The following IMMP2L variants were observed in gnomAD, a reference collection of about 807,000 sequenced individuals.
The protein encoded by IMMP2L is inner mitochondrial membrane peptidase subunit 2.
IMMP2L carries 18 observed loss-of-function variants against 19.3 expected under a neutral mutation model. The ratio of observed to expected loss-of-function variants is 0.93; its 90% CI spans 0.64 to 1.38. IMMP2L has a LOEUF of 1.38. Ranked by LOEUF, IMMP2L falls within the 40% of genes most tolerant of loss-of-function variation. The pLI is 0.00. For synonymous variants in IMMP2L, 76 were observed against 73.0 expected, an observed-to-expected ratio of 1.04 and a Z score of -0.21; for missense variants, 233 against 218.2, an observed-to-expected ratio of 1.07 and a Z score of -0.43.
intron 4 of IMMP2L, chr7:110,962,829 C>T: frequency 8.1e-7 from 1 of 1,231,866 alleles, no homozygotes; most frequent in Non-Finnish European, 1.0e-6. Flanking sequence ...ATGTAGTAGT[C>T]AAAGCATTTT....
intron 4 of IMMP2L, among the ~76,000 whole-genome samples, chr7:110,947,692 G>T (rs1226311913): frequency 6.6e-6 from 1 of 152,066 alleles, no homozygotes; most frequent in Non-Finnish European, 1.5e-5. Context: ...TACAGTAAAA[G>T]ATTAAATAGT....
chr7:110,716,974 A>G (rs1322692188), intron 5 of IMMP2L, among the ~76,000 whole-genome samples: 2 of 152,218 alleles, frequency 1.3e-5, no homozygotes, highest in Non-Finnish European at 2.9e-5. Context: ...ATGTGGAATT[A>G]CATTTCATGA....
At chr7:110,775,680 TA>T (rs1433280443) in intron 5 of IMMP2L, among the ~76,000 whole-genome samples, 1 of 152,106 alleles carries the variant, frequency 6.6e-6, no homozygotes, top group Admixed American at 6.6e-5. Flanking sequence ...CTCTGAAGAA[TA>T]AAAATATGTT....
At chr7:111,444,230 T>C (rs536750069) in intron 3 of IMMP2L, among the ~76,000 whole-genome samples, 6 of 152,326 alleles carry the variant, frequency 3.9e-5, no homozygotes, top group Non-Finnish European at 5.9e-5. Flanking sequence ...TATCCGCTGA[T>C]ACATATATTT....
chr7:111,378,175 A>G (rs191081381), intron 3 of IMMP2L, among the ~76,000 whole-genome samples: 1 of 152,012 alleles, frequency 6.6e-6, no homozygotes, highest in South Asian at 2.1e-4. Flanking sequence ...TAAAACAATT[A>G]TATGTCAGGA....
At chr7:111,045,032 ATAAT>A (rs1792262051) in intron 3 of IMMP2L, among the ~76,000 whole-genome samples, 1 of 152,224 alleles carries the variant, frequency 6.6e-6, no homozygotes, top group African/African-American at 2.4e-5. Flanking sequence ...TAAAGAGATA[ATAAT>A]TAATATATAA....
At chr7:110,874,490 AT>A (rs1808864638) in intron 5 of IMMP2L, among the ~76,000 whole-genome samples, 3 of 152,136 alleles carry the variant, frequency 2.0e-5, no homozygotes, top group African/African-American at 7.2e-5. Flanking sequence ...GGAGAAGAAT[AT>A]AATAAAATTT....
chr7:111,260,693 A>G (rs1817224067), intron 3 of IMMP2L, among the ~76,000 whole-genome samples: 1 of 152,148 alleles, frequency 6.6e-6, no homozygotes, highest in Non-Finnish European at 1.5e-5. Flanking sequence ...GAAAATATGT[A>G]AGAATAAGTC....
At chr7:111,166,608 A>C (rs921614986) in intron 3 of IMMP2L, among the ~76,000 whole-genome samples, 2 of 151,998 alleles carry the variant, frequency 1.3e-5, no homozygotes, top group Non-Finnish European at 2.9e-5. Flanking sequence ...GGGCTGCGAA[A>C]ACAAAGCACT....
chr7:111,445,034 A>G (rs1404331077), intron 3 of IMMP2L, among the ~76,000 whole-genome samples: 1 of 152,198 alleles, frequency 6.6e-6, no homozygotes, highest in Non-Finnish European at 1.5e-5. Flanking sequence ...ACAGCTAGGC[A>G]TATAAATATA....
At chr7:110,966,031 T>G (rs1442496268) in intron 3 of IMMP2L, among the ~76,000 whole-genome samples, 3 of 151,824 alleles carry the variant, frequency 2.0e-5, no homozygotes, top group Non-Finnish European at 4.4e-5. Context: ...AGAAAAAAAT[T>G]CAACAAGAGC....
intron 3 of IMMP2L, among the ~76,000 whole-genome samples, chr7:110,992,188 C>A (rs1822550803): frequency 6.6e-6 from 1 of 151,926 alleles, no homozygotes; most frequent in Non-Finnish European, 1.5e-5. Context: ...TTTCTGTGCC[C>A]CCCAGCGTAA....
At chr7:111,462,106 TAATA>T (rs1220498372) in intron 3 of IMMP2L, among the ~76,000 whole-genome samples, 2 of 151,552 alleles carry the variant, frequency 1.3e-5, no homozygotes, top group Admixed American at 6.6e-5. Context: ...TTTATTTTAA[TAATA>T]AATATTCTAA....
At chr7:110,731,165 G>T (rs1374909080) in intron 5 of IMMP2L, among the ~76,000 whole-genome samples, 2 of 152,034 alleles carry the variant, frequency 1.3e-5, no homozygotes, top group African/African-American at 4.8e-5. Context: ...ATAAATATTT[G>T]CCATGAGAAT....
rs550083660 is a variant in IMMP2L, at chr7:110,864,745, A to G, written c.408+21848T>C. On this transcript the variant is annotated intron_variant, in intron 5 of 5. Coordinates refer to ENST00000405709, the MANE Select transcript of IMMP2L (RefSeq NM_032549.4). Reference sequence around the variant, plus strand: ...GCTAGACACGCTGCATGAAATAAACATGCTTTACTTTGAGGCCAATGAACC... The same window carrying G: ...GCTAGACACGCTGCATGAAATAAACGTGCTTTACTTTGAGGCCAATGAACC... 1.2e-4 allele frequency among the ~76,000 whole-genome samples: 18 copies of G among 152,220 alleles called. No individual in the cohort carries two copies. In the East Asian group the frequency reaches 3.5e-3, roughly 29 times the overall value.
chr7:110,912,801 A>C (rs1183244317), intron 4 of IMMP2L, among the ~76,000 whole-genome samples: 1 of 152,072 alleles, frequency 6.6e-6, no homozygotes, highest in Non-Finnish European at 1.5e-5. Context: ...CTAGCCTGAA[A>C]GTAAAGTAGC....
intron 3 of IMMP2L, among the ~76,000 whole-genome samples, chr7:111,217,585 C>T (rs1384545296): frequency 6.6e-6 from 1 of 152,090 alleles, no homozygotes; most frequent in Admixed American, 6.6e-5. Context: ...ATGCTGAGTA[C>T]AGCTAATAAC....
At chr7:110,970,186 T>C (rs1384560252) in intron 3 of IMMP2L, among the ~76,000 whole-genome samples, 2 of 152,136 alleles carry the variant, frequency 1.3e-5, no homozygotes, top group African/African-American at 4.8e-5. Context: ...TGTAATTGAG[T>C]ATTTTTGATC....
chr7:110,675,319 A>T (rs1165656821), intron 5 of IMMP2L, among the ~76,000 whole-genome samples: 1 of 152,138 alleles, frequency 6.6e-6, no homozygotes, highest in Non-Finnish European at 1.5e-5. Context: ...AACTTAATTC[A>T]AATGAACAAA....
Sources: allele counts gnomAD v4.1 joint callset (sites outside exome capture counted in the v4.1 genomes callset), GRCh38; gene constraint gnomAD v4.1.1; transcripts MANE v1.5; gene names NCBI Gene and HGNC (gene_info 2026-07-23, HGNC 2026-07-21).